The following NBEA variants were observed in gnomAD, a reference collection of about 807,000 sequenced individuals.
The protein encoded by NBEA is neurobeachin, also known as lysosomal-trafficking regulator 2.
A neutral mutation model predicts 343.4 loss-of-function variants in NBEA; 44 were observed. That is an observed-to-expected ratio of 0.13 (90% CI 0.10 to 0.16). The LOEUF (loss-of-function observed/expected upper bound fraction) is 0.16, where lower values mean the gene tolerates loss of function less well. Among genes scored for constraint, NBEA ranks in the 10% least tolerant of loss-of-function variants. NBEA has a pLI of 1.00. For synonymous variants in NBEA, 1,175 were observed against 1,238.7 expected, an observed-to-expected ratio of 0.95 and a Z score of 1.08; for missense variants, 2,555 against 3,631.3, an observed-to-expected ratio of 0.70 and a Z score of 7.62.
chr13:34,996,484 A>G (rs947746906), intron 1 of NBEA, among the ~76,000 whole-genome samples: 13 of 150,870 alleles, frequency 8.6e-5, no homozygotes, highest in South Asian at 4.2e-4. Flanking sequence ...GTGTGTGTAT[A>G]TATATAATTG....
intron 38 of NBEA, among the ~76,000 whole-genome samples, chr13:35,383,672 G>A (rs1044973043): frequency 6.6e-6 from 1 of 151,988 alleles, no homozygotes; most frequent in African/African-American, 2.4e-5. Flanking sequence ...CACTACACAG[G>A]ATCTATTGGA....
At chr13:35,392,457 A>ATG (rs149372333) in intron 38 of NBEA, among the ~76,000 whole-genome samples, 3 of 149,838 alleles carry the variant, frequency 2.0e-5, no homozygotes, top group East Asian at 2.0e-4. Context: ...TTGAGCCAGT[A>ATG]TGTGTGTGTG....
chr13:35,435,610 G>C (rs980883136), intron 39 of NBEA, among the ~76,000 whole-genome samples: 10 of 151,972 alleles, frequency 6.6e-5, no homozygotes, highest in African/African-American at 2.4e-4. Context: ...ATAAAAATGG[G>C]AGTTTTGTAC....
chr13:35,173,626 A>G, intron 27 of NBEA, 32 bp downstream of exon 27: 3 of 1,579,674 alleles, frequency 1.9e-6, no homozygotes, highest in Middle Eastern at 3.4e-4. Flanking sequence ...GCCAAATATA[A>G]TTTACCTGAA....
At chr13:35,085,519 G>C (rs997441817) in intron 10 of NBEA, among the ~76,000 whole-genome samples, 2 of 152,060 alleles carry the variant, frequency 1.3e-5, no homozygotes, top group African/African-American at 4.8e-5. Context: ...AAAGACCTTT[G>C]ACAAAATTCA....
At chr13:35,454,158 C>G (rs1316139357) in intron 40 of NBEA, among the ~76,000 whole-genome samples, 1 of 152,146 alleles carries the variant, frequency 6.6e-6, no homozygotes, top group African/African-American at 2.4e-5. Flanking sequence ...CAAATATACT[C>G]TGAACCTTGA....
intron 18 of NBEA, among the ~76,000 whole-genome samples, chr13:35,143,111 A>C (rs540424135): frequency 6.6e-6 from 1 of 152,184 alleles, no homozygotes; most frequent in Non-Finnish European, 1.5e-5. Flanking sequence ...GAAGCTTTTT[A>C]TATTTCTAAA....
chr13:35,644,634 G>A (rs1047515472), intron 49 of NBEA, among the ~76,000 whole-genome samples: 1 of 152,130 alleles, frequency 6.6e-6, no homozygotes, highest in Non-Finnish European at 1.5e-5. Flanking sequence ...TTAGAGAGAC[G>A]TTTAGCTGTT....
At chr13:35,438,556 A>G (rs2045564780) in intron 39 of NBEA, among the ~76,000 whole-genome samples, 1 of 152,238 alleles carries the variant, frequency 6.6e-6, no homozygotes, top group Non-Finnish European at 1.5e-5. Flanking sequence ...TAGAGACTCT[A>G]GTAAACATCT....
chr13:34,971,367 T>C (rs543853000), intron 1 of NBEA, among the ~76,000 whole-genome samples: 12 of 152,152 alleles, frequency 7.9e-5, no homozygotes, highest in Non-Finnish European at 1.6e-4. Flanking sequence ...GCCCTTTATT[T>C]ATCTCTCTTG....
intron 8 of NBEA, 81 bp downstream of exon 8, chr13:35,058,944 C>A: frequency 8.3e-7 from 1 of 1,200,356 alleles, no homozygotes; most frequent in South Asian, 1.8e-5. Flanking sequence ...TAGTGAAAAT[C>A]TTTAATACGG....
chr13:35,206,122 A>G (rs2073377649), intron 31 of NBEA, among the ~76,000 whole-genome samples: 1 of 152,062 alleles, frequency 6.6e-6, no homozygotes, highest in Non-Finnish European at 1.5e-5. Context: ...TAACCTGTCT[A>G]TATTTTACTT....
chr13:35,042,806 G>C (rs545973426), intron 2 of NBEA, among the ~76,000 whole-genome samples: 2 of 151,820 alleles, frequency 1.3e-5, no homozygotes, highest in East Asian at 1.9e-4. Flanking sequence ...CTTTTTAATA[G>C]AGAAATTAAA....
intron 38 of NBEA, among the ~76,000 whole-genome samples, chr13:35,356,403 T>G (rs1380990705): frequency 6.6e-6 from 1 of 152,180 alleles, no homozygotes; most frequent in African/African-American, 2.4e-5. Context: ...TCTGTGAATG[T>G]TACAGATTTG....
intron 41 of NBEA, among the ~76,000 whole-genome samples, chr13:35,503,872 T>C (rs577190426): frequency 6.6e-6 from 1 of 152,164 alleles, no homozygotes; most frequent in East Asian, 1.9e-4. Context: ...TTCTTCGTGC[T>C]CTATAGCTTG....
intron 36 of NBEA, among the ~76,000 whole-genome samples, chr13:35,323,128 G>A (rs759296022): frequency 2.0e-5 from 3 of 152,146 alleles, no homozygotes; most frequent in Middle Eastern, 3.2e-3. Flanking sequence ...GGGATTACAC[G>A]CATAAGCCAC....
chr13:34,971,538 G>C (rs1164975500), intron 1 of NBEA, among the ~76,000 whole-genome samples: 2 of 152,124 alleles, frequency 1.3e-5, no homozygotes, highest in Non-Finnish European at 2.9e-5. Flanking sequence ...TCAATACCTA[G>C]GTTATTGAGA....
In NBEA at chr13:35,649,819, T is replaced by C. The variant is rs894015512; in HGVS notation, c.7935T>C (p.Phe2645=). 8 of 1,613,938 alleles carry C rather than the reference T, an allele frequency of 5.0e-6. No homozygotes were observed. The Admixed American group carries it at 8.3e-5, about 17-fold the overall frequency. ...AVVTVTCSRL[F]AVNRWHNTVG... is the part of the protein sequence containing the mutation. ...TGACAGTGACTTGCAGCCGACTCTT[T>C]GCAGTGAATAGATGGCACAACACAG... Residue 2645 remains phenylalanine (F), a synonymous_variant, in exon 52 of 59, where the codon TTT becomes TTC. Coordinates refer to ENST00000379939, the MANE Select transcript of NBEA (RefSeq NM_001385012.1).
At chr13:35,474,913 T>A in intron 41 of NBEA, 1 of 1,016,426 alleles carries the variant, frequency 9.8e-7, no homozygotes, top group Non-Finnish European at 1.4e-6. Context: ...GTGGGTGAGA[T>A]GATGTTTAAA....
Sources: gnomAD v4.1 joint callset for allele counts (sites outside exome capture counted in the v4.1 genomes callset) on GRCh38, gnomAD v4.1.1 for gene constraint, MANE v1.5 for transcripts, NCBI Gene and HGNC (gene_info 2026-07-23, HGNC 2026-07-21) for gene names.